The following ZBTB38 variants were observed in gnomAD, a reference collection of about 807,000 sequenced individuals.
The protein encoded by ZBTB38 is zinc finger and BTB domain-containing protein 38.
Under a neutral mutation model 76.8 loss-of-function variants are expected in ZBTB38, and 20 were observed. The ratio of observed to expected loss-of-function variants is 0.26; its 90% confidence interval spans 0.18 to 0.38. The LOEUF (loss-of-function observed/expected upper bound fraction) is 0.38, where lower values mean the gene tolerates loss of function less well. Among genes scored for constraint, ZBTB38 ranks in the 10% least tolerant of loss-of-function variants. ZBTB38 has a pLI of 1.00. For missense variants in ZBTB38, 1,082 were observed against 1,482.3 expected, an observed-to-expected ratio of 0.73 and a Z score of 4.43; for synonymous variants, 504 against 544.2, an observed-to-expected ratio of 0.93 and a Z score of 1.03.
intron 1 of ZBTB38, among the ~76,000 whole-genome samples, chr3:141,343,270 C>A (rs2148912972): frequency 6.6e-6 from 1 of 152,198 alleles, no homozygotes; most frequent in Non-Finnish European, 1.5e-5. Context: ...CAACCAAGAC[C>A]ACGGGAGTAT....
intron 5 of ZBTB38, among the ~76,000 whole-genome samples, chr3:141,431,117 G>A (rs369722840): frequency 6.6e-6 from 1 of 151,984 alleles, no homozygotes. Flanking sequence ...GAGGTCAGGA[G>A]CTTGAGACCA....
chr3:141,342,694 A>T (rs1943233590), intron 1 of ZBTB38, among the ~76,000 whole-genome samples: 1 of 151,744 alleles, frequency 6.6e-6, no homozygotes, highest in Admixed American at 6.6e-5. Flanking sequence ...CCGAAATAAA[A>T]AAACTAGAGA....
chr3:141,384,421 A>G (rs1213836092), intron 3 of ZBTB38, among the ~76,000 whole-genome samples: 1 of 152,272 alleles, frequency 6.6e-6, no homozygotes, highest in Admixed American at 6.5e-5. Flanking sequence ...AGTTGATTCC[A>G]TAACATGTAT....
upstream of ZBTB38, chr3:141,368,241 T>C (rs1944052165): frequency 6.6e-6 from 1 of 152,380 alleles, no homozygotes; most frequent in Non-Finnish European, 1.5e-5. Context: ...GTGATGTCCT[T>C]TGGGGAGGCC....
chr3:141,356,312 CA>C (rs1366990003), intron 1 of ZBTB38, among the ~76,000 whole-genome samples: 2 of 152,072 alleles, frequency 1.3e-5, no homozygotes, highest in Non-Finnish European at 1.5e-5. Flanking sequence ...TACAGTGGCC[CA>C]GGGGTGAGAA....
rs1158685113 is a variant in ZBTB38 at position 141,352,646 on chromosome 3, A to G, written c.-738-15975A>G. On this transcript the variant is annotated intron_variant, in intron 1 of 7. Transcript: ENST00000509842. ...ACTTAAAGCAAAATGAATTATAGGCATAATACATGACAAATGGGGTAAGCC... is the reference window on the plus strand; with the variant it reads ...ACTTAAAGCAAAATGAATTATAGGCGTAATACATGACAAATGGGGTAAGCC... Among the ~76,000 whole-genome samples the G allele has an allele frequency of 8.8e-4, 134 of 152,230 alleles. 2 individuals carry two copies. The highest frequency in any genetic ancestry group is 8.8e-3 in the Admixed American group (134 of 15,288).
chr3:141,324,498 A>C (rs748368691), intron 1 of ZBTB38: 1 of 152,212 alleles, frequency 6.6e-6, no homozygotes, highest in Non-Finnish European at 1.5e-5. Flanking sequence ...AAAGCTCTCT[A>C]TGTTTGCTTT....
chr3:141,353,351 C>T (rs1385041096), intron 1 of ZBTB38, among the ~76,000 whole-genome samples: 1 of 152,082 alleles, frequency 6.6e-6, no homozygotes, highest in African/African-American at 2.4e-5. Context: ...TCCCCTTTTG[C>T]ATCACTTACC....
At chr3:141,371,045 CTT>C (rs754872291) in intron 2 of ZBTB38, among the ~76,000 whole-genome samples, 4,118 of 71,738 alleles carry the variant, frequency 0.057, 143 homozygotes, top group Admixed American at 0.16. Flanking sequence ...TTCTTTCTTT[CTT>C]TTTTTTTTTT....
Position 141,442,136 on chromosome 3 carries a change from G to A in ZBTB38, c.1-253G>A, listed in dbSNP as rs1006326432. The stretch of plus-strand genomic sequence containing the variant: ...ACATGTATATATAGCTCCAACTTTG[G>A]AGAAAAGGGGAAGGAGTTCTGGGAG... On this transcript the variant is annotated intron_variant, in intron 5 of 5. Transcript: ENST00000321464. This position sits in a 1 kb window ranked among gnomAD's most constrained non-coding sequence, Gnocchi z 6.4. 2.0e-5 allele frequency among the ~76,000 whole-genome samples: 3 copies of A among 151,862 alleles called. No homozygotes were observed. Among genetic ancestry groups the A allele is most frequent in the African/African-American group, 7.3e-5 (3 of 41,316 alleles).
chr3:141,361,509 G>A (rs1576681648), intron 1 of ZBTB38, among the ~76,000 whole-genome samples: 1 of 152,194 alleles, frequency 6.6e-6, no homozygotes, highest in South Asian at 2.1e-4. Context: ...TATGTTAAGT[G>A]GTCAAGCAAG....
chr3:141,401,132 G>A (rs868203988), intron 4 of ZBTB38, among the ~76,000 whole-genome samples: 6 of 152,234 alleles, frequency 3.9e-5, no homozygotes, highest in Admixed American at 6.5e-5. Context: ...ATTAACAACA[G>A]GTTAGCTCAG....
chr3:141,329,114 T>G (rs1051065397), intron 1 of ZBTB38, among the ~76,000 whole-genome samples: 1 of 152,144 alleles, frequency 6.6e-6, no homozygotes, highest in African/African-American at 2.4e-5. Flanking sequence ...AAACCCCGCC[T>G]CCTTGGAGCT....
intron 3 of ZBTB38, among the ~76,000 whole-genome samples, chr3:141,383,481 G>A (rs1376079287): frequency 6.6e-6 from 1 of 152,166 alleles, no homozygotes; most frequent in African/African-American, 2.4e-5. Flanking sequence ...CAGCTGTAAT[G>A]TTTAATGTGG....
At chr3:141,333,518 T>C (rs1466743716) in intron 1 of ZBTB38, among the ~76,000 whole-genome samples, 1 of 152,084 alleles carries the variant, frequency 6.6e-6, no homozygotes, top group Non-Finnish European at 1.5e-5. Context: ...GAGGCTCAGG[T>C]TGACCAGGCA....
At chr3:141,354,091 A>T (rs982709980) in intron 1 of ZBTB38, among the ~76,000 whole-genome samples, 17 of 152,176 alleles carry the variant, frequency 1.1e-4, no homozygotes, top group Non-Finnish European at 2.9e-5. Flanking sequence ...ATTAAGTGGT[A>T]TCAAGGTATA....
rs56692861 is a variant in ZBTB38, at chr3:141,334,405, TTTCCTTCCTTCC to T, written c.-739+9977_-739+9988del. Among the ~76,000 whole-genome samples the T allele has an allele frequency of 3.6e-3, 475 of 130,246 alleles. 3 individuals are homozygous for T. The highest frequency in any genetic ancestry group is 9.3e-3 in the African/African-American group (299 of 32,252). The allele number at this position is 130,246 out of a possible 152,430, so 85.4% of individuals were successfully genotyped here. A position where few individuals can be genotyped will look rare whatever the true frequency, so the allele number is the denominator to read the frequency against. On this transcript the variant is annotated intron_variant, in intron 1 of 7. Transcript: ENST00000509842. ...CCATTTTTCCTTCCTTCCTTCCTTC[TTTCCTTCCTTCC>T]TTCCTTCCTTCCTTCCTTCCTTCCT...
chr3:141,442,934 G>T lies in ZBTB38; in HGVS notation c.546G>T (p.Pro182=). 3 of 1,614,172 alleles carry T rather than the reference G, an allele frequency of 1.9e-6. No homozygotes were observed. Among genetic ancestry groups the T allele is most frequent in the Non-Finnish European group, 2.5e-6 (3 of 1,180,032 alleles). ...AAAATAGTAATAACATGTTTTCCCCGCTGGACTTGAGGGCAAGTTTCAAAA... is the reference window on the plus strand; with the variant it reads ...AAAATAGTAATAACATGTTTTCCCCTCTGGACTTGAGGGCAAGTTTCAAAA... ...ETENSNNMFS[P]LDLRASFKKV... The change falls in exon 6 of 6, where the codon CCG becomes CCT. Residue 182 remains proline (P), a synonymous_variant. Coordinates refer to ENST00000321464, the MANE Select transcript of ZBTB38 (RefSeq NM_001376113.1). The surrounding 1 kb of genome is among the most constrained non-coding windows in gnomAD (Gnocchi z 6.4).
intron 5 of ZBTB38, among the ~76,000 whole-genome samples, chr3:141,425,262 C>A (rs1331381366): frequency 6.6e-6 from 1 of 152,198 alleles, no homozygotes; most frequent in Admixed American, 6.5e-5. Flanking sequence ...AGTTCAGCAA[C>A]TTTAGTCTCC....
Sources: allele counts gnomAD v4.1 joint callset (sites outside exome capture counted in the v4.1 genomes callset), GRCh38; gene constraint gnomAD v4.1.1; non-coding constraint Gnocchi (gnomAD v3.1); transcripts MANE v1.5; gene names NCBI Gene and HGNC (gene_info 2026-07-23, HGNC 2026-07-21).